Variants in AK3 observed in about 807,000 individuals in gnomAD.
AK3 encodes the protein GTP:AMP phosphotransferase AK3, mitochondrial.
AK3 carries 27 observed loss-of-function variants against 23.7 expected under a neutral mutation model. The observed-to-expected ratio is 1.14, with a 90% CI of 0.84 to 1.57. The LOEUF (loss-of-function observed/expected upper bound fraction) is 1.57, where lower values mean the gene tolerates loss of function less well. Among genes scored for constraint, AK3 ranks in the 40% most tolerant of loss-of-function variants. The pLI is 0.00. For synonymous variants in AK3, 159 were observed against 116.0 expected, an observed-to-expected ratio of 1.37 and a Z score of -2.38; for missense variants, 406 against 285.6, an observed-to-expected ratio of 1.42 and a Z score of -3.04.
At chr9:4,719,818 C>A (rs1841844633) in intron 2 of AK3, among the ~76,000 whole-genome samples, 1 of 152,180 alleles carries the variant, frequency 6.6e-6, no homozygotes, top group African/African-American at 2.4e-5. Flanking sequence ...GTAATCCCAG[C>A]ATTTTGGGAG....
At chr9:4,725,019 CTCTT>C (rs1321289131) in intron 1 of AK3, among the ~76,000 whole-genome samples, 8 of 53,286 alleles carry the variant, frequency 1.5e-4, no homozygotes, top group Non-Finnish European at 2.3e-4. Context: ...AGCTACTAAA[CTCTT>C]TTTTTTTTTT....
Position 4,713,081 on chromosome 9 carries a change from C to A in AK3, c.579G>T (p.Leu193=). 1.2e-6 allele frequency: 2 copies of A among 1,613,542 alleles called. No individual in the cohort carries two copies. The highest frequency in any genetic ancestry group is 1.7e-6 in the Non-Finnish European group (2 of 1,179,696). ...VLEYYQKKGV[L]ETFSGTETNK... ...TGGTTTCTGTTCCGGAGAATGTTTC[C>A]AGCACCCCTTTTTTCCTAAAGATGA... Residue 193 remains leucine (L), a synonymous_variant, in exon 5 of 5, where the codon CTG becomes CTT. Transcript: ENST00000381809.
Position 4,722,576 on chromosome 9 carries a change from T to G in AK3, c.201A>C (p.Pro67=). The G allele has an allele frequency of 6.2e-7, 1 of 1,614,228 alleles. No homozygotes were observed. The highest frequency in any genetic ancestry group is 8.5e-7 in the Non-Finnish European group (1 of 1,180,034). ...KAFIDQGKLI[P]DDVMTRLALH... ...GGGCCAGCCGAGTCATGACATCATCTGGGATGAGTTTCCCTTGGTCAATGA... is the reference window on the plus strand; with the variant it reads ...GGGCCAGCCGAGTCATGACATCATCGGGGATGAGTTTCCCTTGGTCAATGA... The change falls in exon 2 of 5, where the codon CCA becomes CCC. Residue 67 remains proline (P), a synonymous_variant. Coordinates refer to ENST00000381809, the MANE Select transcript of AK3 (RefSeq NM_016282.4).
intron 1 of AK3, among the ~76,000 whole-genome samples, chr9:4,723,093 G>A (rs903922580): frequency 1.4e-5 from 2 of 148,096 alleles, no homozygotes; most frequent in Admixed American, 1.3e-4. Flanking sequence ...AAAAACAAAG[G>A]TTACAAAATA....
intron 1 of AK3, among the ~76,000 whole-genome samples, chr9:4,733,011 A>T (rs1171092433): frequency 1.3e-5 from 2 of 149,916 alleles, no homozygotes; most frequent in African/African-American, 2.4e-5. Context: ...TGCCTGGCTA[A>T]TTTTTTTTTT....
In AK3 at chr9:4,718,500, C is replaced by A. The variant is rs375214094; in HGVS notation, c.482G>T (p.Arg161Leu). 1.9e-6 allele frequency: 3 copies of A among 1,613,684 alleles called. No homozygotes were observed. In the African/African-American group the frequency reaches 4.0e-5, roughly 22 times the overall value. The change falls in exon 4 of 5, where the codon CGT (arginine) becomes CTT (leucine). Residue 161 changes from arginine (R) to leucine (L), a missense_variant. Physicochemically the swap from Arg to Leu is moderately radical, Grantham distance 102. Transcript: ENST00000381809. ...DDLTGEPLIQ[R>L]EDDKPETVIK... is the part of the protein sequence containing the mutation. ...AACCGTCTCTGGTTTATCATCCTCACGCTGAATGAGAGGCTCCCCAGTCAG... is the reference window on the plus strand; with the variant it reads ...AACCGTCTCTGGTTTATCATCCTCAAGCTGAATGAGAGGCTCCCCAGTCAG...
At chr9:4,723,384 C>T (rs997033526) in intron 1 of AK3, among the ~76,000 whole-genome samples, 2 of 152,100 alleles carry the variant, frequency 1.3e-5, no homozygotes, top group Non-Finnish European at 2.9e-5. Context: ...GAGACTTTTC[C>T]AATCCTGTAA....
At chr9:4,714,573 G>C (rs917542147) in intron 4 of AK3, among the ~76,000 whole-genome samples, 1 of 152,150 alleles carries the variant, frequency 6.6e-6, no homozygotes, top group Non-Finnish European at 1.5e-5. Flanking sequence ...TTGAAGAGCC[G>C]ATTTAAAAAT....
At chr9:4,721,914 G>A (rs1389163134) in intron 2 of AK3, among the ~76,000 whole-genome samples, 1 of 151,698 alleles carries the variant, frequency 6.6e-6, no homozygotes, top group African/African-American at 2.4e-5. Context: ...GGGCTGCAGG[G>A]CTTGGCAAGG....
At chr9:4,740,591 G>C (rs1842405363) in intron 1 of AK3, among the ~76,000 whole-genome samples, 1 of 152,208 alleles carries the variant, frequency 6.6e-6, no homozygotes, top group African/African-American at 2.4e-5. Context: ...CCAGCACGTT[G>C]AACAAGCTGC....
chr9:4,729,432 A>T (rs1842103553), intron 1 of AK3, among the ~76,000 whole-genome samples: 1 of 152,160 alleles, frequency 6.6e-6, no homozygotes, highest in Non-Finnish European at 1.5e-5. Flanking sequence ...TGATCGCGCC[A>T]CTGTACTCCA....
chr9:4,719,144 G>C lies in AK3; in HGVS notation c.435C>G (p.Pro145=), dbSNP rs1205731316. The C allele has an allele frequency of 6.2e-7, 1 of 1,611,780 alleles. No individual in the cohort carries two copies. Among genetic ancestry groups the C allele is most frequent in the South Asian group, 1.1e-5 (1 of 90,974 alleles). Residue 145 remains proline (P), a synonymous_variant, in exon 3 of 5, where the codon CCC becomes CCG. Transcript: ENST00000381809. ...CACAACAACTACTCACCACAGTTTTGGGAGGGTTGAATTCAATGTTATAGA... is the reference window on the plus strand; with the variant it reads ...CACAACAACTACTCACCACAGTTTTCGGAGGGTTGAATTCAATGTTATAGA... The part of the protein sequence containing the change: ...GRVYNIEFNP[P]KTVGIDDLTG...
chr9:4,728,383 CA>C (rs930762968), intron 1 of AK3, among the ~76,000 whole-genome samples: 5 of 152,034 alleles, frequency 3.3e-5, no homozygotes, highest in African/African-American at 1.2e-4. Context: ...CCAGCCTGAC[CA>C]AAATGGTGAA....
At chr9:4,718,093 G>A (rs1201714066) in intron 4 of AK3, among the ~76,000 whole-genome samples, 1 of 152,168 alleles carries the variant, frequency 6.6e-6, no homozygotes, top group Non-Finnish European at 1.5e-5. Context: ...CTGGAGGAAA[G>A]GTTACCCCTC....
rs188917980 is a variant in AK3, at chr9:4,740,557, G to T, written c.151+380C>A. On this transcript the variant is annotated intron_variant, in intron 1 of 4. Coordinates refer to ENST00000381809, the MANE Select transcript of AK3 (RefSeq NM_016282.4). ...AACAGAACGAGCAGACTCTAGCAGG[G>T]CTAATGACAGTCTTCCAAAGGCACC... Among the ~76,000 whole-genome samples, 1,174 of 152,320 alleles carry T rather than the reference G, an allele frequency of 7.7e-3. 27 individuals carry two copies. The East Asian group carries it at 0.088, about 11-fold the overall frequency.
intron 1 of AK3, among the ~76,000 whole-genome samples, chr9:4,728,860 T>TACACACACACACAC (rs1473100751): frequency 1.6e-4 from 12 of 73,044 alleles, no homozygotes; most frequent in Non-Finnish European, 2.3e-4. Context: ...TATATATATA[T>TACACACACACACAC]ATATATACAC....
intron 4 of AK3, among the ~76,000 whole-genome samples, chr9:4,717,607 A>G (rs565552195): frequency 1.3e-5 from 2 of 152,324 alleles, no homozygotes; most frequent in Non-Finnish European, 2.9e-5. Flanking sequence ...TTTCAGCTTT[A>G]TGATGGTGCG....
At chr9:4,740,910 G>A in intron 1 of AK3, 27 bp downstream of exon 1, 1 of 1,504,628 alleles carries the variant, frequency 6.6e-7, no homozygotes, top group Non-Finnish European at 8.9e-7. Flanking sequence ...GACAGCGCAC[G>A]GCCGGCCCTG....
chr9:4,723,348 T>C (rs567063026), intron 1 of AK3, among the ~76,000 whole-genome samples: 2 of 152,366 alleles, frequency 1.3e-5, no homozygotes, highest in African/African-American at 4.8e-5. Context: ...TGATTCAGTT[T>C]AAATGCCTGC....
Sources: gnomAD v4.1 joint callset for allele counts (sites outside exome capture counted in the v4.1 genomes callset) on GRCh38, gnomAD v4.1.1 for gene constraint, MANE v1.5 for transcripts, NCBI Gene and HGNC (gene_info 2026-07-23, HGNC 2026-07-21) for gene names.